PRMT7: variants seen among roughly 807,000 people sequenced by gnomAD.
The protein encoded by PRMT7 is protein arginine N-methyltransferase 7.
In PRMT7, 75 loss-of-function variants were observed where a neutral mutation model predicts 85.4. That is an observed-to-expected ratio of 0.88 (90% confidence interval 0.73 to 1.06). The LOEUF is 1.06. Among genes scored for constraint, PRMT7 ranks in the 50% least tolerant of loss-of-function variants. The pLI, the probability that PRMT7 is intolerant of heterozygous loss-of-function variation, is 0.00. For missense variants in PRMT7, 868 were observed against 915.2 expected (o/e 0.95, Z 0.67); for synonymous variants, 397 against 359.5 (o/e 1.10, Z -1.18).
At position 68,339,664 on chromosome 16, in the gene PRMT7, A is replaced by G. The variant is rs539086641; in HGVS notation, c.746+101A>G. The G allele has an allele frequency of 1.9e-6, 3 of 1,584,622 alleles. No individual in the cohort carries two copies. The East Asian group carries it at 6.7e-5, about 35-fold the overall frequency. On this transcript the variant is annotated intron_variant, in intron 8 of 18. Coordinates refer to ENST00000441236, the MANE Select transcript of PRMT7 (RefSeq NM_019023.5). Reference sequence around the variant, plus strand: ...GTGGGAAGGAAATCTAGCTGCTGTCACCTGCCTCGAAGGCAAGAGTCCTTT... The same window carrying G: ...GTGGGAAGGAAATCTAGCTGCTGTCGCCTGCCTCGAAGGCAAGAGTCCTTT...
At chr16:68,311,244 C>T (rs1010538358) in intron 1 of PRMT7, 145 bp downstream of exon 1, 1 of 467,550 alleles carries the variant, frequency 2.1e-6, no homozygotes, top group Non-Finnish European at 3.9e-6. Flanking sequence ...TCGGGACACC[C>T]GGGCCTGCAG....
intron 3 of PRMT7, among the ~76,000 whole-genome samples, chr16:68,316,600 T>C (rs1213471158): frequency 2.6e-5 from 4 of 151,936 alleles, no homozygotes; most frequent in Admixed American, 2.6e-4. Flanking sequence ...ACCCCGTTTC[T>C]ACTAAAAATA....
chr16:68,326,505 C>G (rs1191137313), intron 5 of PRMT7, among the ~76,000 whole-genome samples: 1 of 152,206 alleles, frequency 6.6e-6, no homozygotes, highest in Non-Finnish European at 1.5e-5. Flanking sequence ...CTCAGCCTCC[C>G]AAAGTGTTGG....
chr16:68,314,962 T>C (rs2044501724), intron 2 of PRMT7, among the ~76,000 whole-genome samples: 1 of 152,024 alleles, frequency 6.6e-6, no homozygotes, highest in Non-Finnish European at 1.5e-5. Context: ...GTAATCACTA[T>C]AAAAAATAAT....
At chr16:68,348,179 G>T (rs958043157) in intron 13 of PRMT7, among the ~76,000 whole-genome samples, 163 bp from the exon 14 acceptor site, 1 of 152,132 alleles carries the variant, frequency 6.6e-6, no homozygotes, top group Non-Finnish European at 1.5e-5. Flanking sequence ...TCTATAGGAT[G>T]CCCCCCAAGG....
intron 3 of PRMT7, among the ~76,000 whole-genome samples, chr16:68,318,096 G>C (rs890333894): frequency 4.6e-5 from 7 of 151,962 alleles, no homozygotes; most frequent in African/African-American, 1.7e-4. Flanking sequence ...CTTCAATATA[G>C]TAATACATTA....
chr16:68,327,689 T>C (rs2083288650), intron 5 of PRMT7, among the ~76,000 whole-genome samples: 1 of 152,160 alleles, frequency 6.6e-6, no homozygotes, highest in Non-Finnish European at 1.5e-5. Context: ...GGCTCACGCC[T>C]GTAATCCCAG....
In PRMT7 at chr16:68,339,537, C is replaced by T. The variant is rs1482225987; in HGVS notation, c.720C>T (p.Val240=). The T allele has an allele frequency of 3.7e-6, 6 of 1,614,014 alleles. No homozygotes were observed. Among genetic ancestry groups the T allele is most frequent in the Non-Finnish European group, 4.2e-6 (5 of 1,180,026 alleles). The change falls in exon 8 of 19, where the codon GTC becomes GTT. Residue 240 remains valine, a synonymous_variant. Coordinates refer to ENST00000441236, the MANE Select transcript of PRMT7 (RefSeq NM_019023.5). The stretch of plus-strand genomic sequence containing the variant: ...AGGTGTCACCAGCCGACTTTACAGT[C>T]CTCAGCGATGTGCTGCCCATGTTCA... ...LNQVSPADFT[V]LSDVLPMFSI...
At chr16:68,342,314 A>C (rs2085667383) in intron 9 of PRMT7, among the ~76,000 whole-genome samples, 1 of 152,134 alleles carries the variant, frequency 6.6e-6, no homozygotes, top group Non-Finnish European at 1.5e-5. Context: ...CTGTTAACCA[A>C]ATGTCTCCCA....
chr16:68,324,547 T>C (rs1433161722), intron 4 of PRMT7, 136 bp from the exon 5 acceptor site: 1 of 1,035,384 alleles, frequency 9.7e-7, no homozygotes, highest in African/African-American at 1.6e-5. Flanking sequence ...CAGCCAGAGC[T>C]GTTCTGCCAG....
rs965141506 is a variant in PRMT7 at position 68,352,501 on chromosome 16, G to GC, written c.1575+93dup. ...AGGAACCTTGGGTGCCTGTAGAGCG[G>GC]CTCAGGCCTTGATGATTTGAGCTTG... On this transcript the variant is annotated intron_variant, in intron 15 of 18. Transcript: ENST00000441236. The GC allele has an allele frequency of 4.4e-5, 57 of 1,291,160 alleles. 1 individual carries two copies. The highest frequency in any genetic ancestry group is 1.9e-4 in the Middle Eastern group (1 of 5,206). The allele number at this position is 1,291,160 out of a possible 1,614,324, so 80.0% of individuals were successfully genotyped here. A position where few individuals can be genotyped will look rare whatever the true frequency, so the allele number is the denominator to read the frequency against.
At position 68,315,880 on chromosome 16, in the gene PRMT7, C is replaced by G. The variant is rs1186158390; in HGVS notation, c.-83-17C>G. 2.1e-6 allele frequency: 2 copies of G among 958,100 alleles called. No individual in the cohort carries two copies. The highest frequency in any genetic ancestry group is 3.3e-6 in the Non-Finnish European group (2 of 602,106). 59.3% of individuals were successfully genotyped at this position (958,100 alleles called of 1,614,324 possible). A position where few individuals can be genotyped will look rare whatever the true frequency, so the allele number is the denominator to read the frequency against. On this transcript the variant is annotated splice_polypyrimidine_tract_variant and intron_variant, in intron 2 of 18. Coordinates refer to ENST00000441236, the MANE Select transcript of PRMT7 (RefSeq NM_019023.5). ...TCGTTTGTTTATATACCTCCTGTTT[C>G]CTTCTGATGTTAATAGATTTCTGAC...
At chr16:68,334,072 A>C (rs973579762) in intron 6 of PRMT7, among the ~76,000 whole-genome samples, 1 of 152,116 alleles carries the variant, frequency 6.6e-6, no homozygotes, top group Non-Finnish European at 1.5e-5. Flanking sequence ...CGCCTGGCCA[A>C]TTTCGTAATA....
At chr16:68,339,591 C>A (rs777199141) in intron 8 of PRMT7, 28 bp downstream of exon 8, 2 of 1,608,522 alleles carry the variant, frequency 1.2e-6, no homozygotes, top group Admixed American at 3.3e-5. Context: ...TAGGTGATGG[C>A]GCTTTGAGAC....
At chr16:68,326,931 TTGGA>T (rs1282521554) in intron 5 of PRMT7, among the ~76,000 whole-genome samples, 1 of 152,050 alleles carries the variant, frequency 6.6e-6, no homozygotes, top group African/African-American at 2.4e-5. Context: ...GACACTGGCT[TTGGA>T]TATTGTCAGG....
At chr16:68,353,223 G>A (rs893683348) in intron 15 of PRMT7, among the ~76,000 whole-genome samples, 5 of 152,154 alleles carry the variant, frequency 3.3e-5, no homozygotes, top group Non-Finnish European at 7.3e-5. Flanking sequence ...AGGATGGCCC[G>A]GATAGGAGTG....
intron 9 of PRMT7, among the ~76,000 whole-genome samples, chr16:68,342,251 C>T (rs2085657767): frequency 6.6e-6 from 1 of 151,666 alleles, no homozygotes; most frequent in Non-Finnish European, 1.5e-5. Flanking sequence ...GCACTCAAAC[C>T]TGGGTGGCAG....
chr16:68,318,318 G>C (rs1168123356), intron 3 of PRMT7, among the ~76,000 whole-genome samples: 2 of 151,312 alleles, frequency 1.3e-5, no homozygotes, highest in Non-Finnish European at 2.9e-5. Flanking sequence ...TCCCGCCTCA[G>C]CCTCTTGAGT....
intron 4 of PRMT7, among the ~76,000 whole-genome samples, chr16:68,322,589 T>A (rs1346043545): frequency 1.3e-5 from 2 of 152,094 alleles, no homozygotes; most frequent in Non-Finnish European, 2.9e-5. Context: ...CACATTGCCT[T>A]CAAAAAGGGT....
Sources: allele counts gnomAD v4.1 joint callset (sites outside exome capture counted in the v4.1 genomes callset), GRCh38; gene constraint gnomAD v4.1.1; transcripts MANE v1.5; gene names NCBI Gene and HGNC (gene_info 2026-07-23, HGNC 2026-07-21).